The following VWC2L variants were observed in gnomAD, a reference collection of about 807,000 sequenced individuals.
VWC2L encodes von Willebrand factor C domain containing 2 like.
A neutral mutation model predicts 21.6 loss-of-function variants in VWC2L; 10 were observed. That is an observed-to-expected ratio of 0.46 (90% CI 0.29 to 0.78). VWC2L has a LOEUF of 0.78. VWC2L is among the 30% of genes least tolerant of loss of function. The pLI is 0.10. For missense variants in VWC2L, 209 were observed against 277.1 expected (o/e 0.75, Z 1.74); for synonymous variants, 96 against 94.3 (o/e 1.02, Z -0.10).
intron 3 of VWC2L, among the ~76,000 whole-genome samples, chr2:214,507,306 T>C (rs901118094): frequency 2.0e-5 from 3 of 152,212 alleles, no homozygotes; most frequent in Non-Finnish European, 4.4e-5. Context: ...TAATTTCTAA[T>C]TGAACTTTAT....
chr2:214,480,864 CAAAAAAAAA>C lies in VWC2L; in HGVS notation c.520+44122_520+44130del, dbSNP rs59720596. Among the ~76,000 whole-genome samples, 480 of 71,788 alleles carry C rather than the reference CAAAAAAAAA, an allele frequency of 6.7e-3. 6 individuals are homozygous for C. The highest frequency in any genetic ancestry group is 0.024 in the African/African-American group (440 of 18,456). 47.1% of individuals were successfully genotyped at this position (71,788 alleles called of 152,430 possible). A position where few individuals can be genotyped will look rare whatever the true frequency, so the allele number is the denominator to read the frequency against. On this transcript the variant is annotated intron_variant, in intron 3 of 3. Coordinates refer to ENST00000312504, the MANE Select transcript of VWC2L (RefSeq NM_001080500.4). ...TTATTCAGAGGTCCATATGCCAAGC[CAAAAAAAAA>C]AAAAAAAAAAAAAAAGGTAGATGTA... is the stretch of plus-strand genomic sequence containing the variant.
At position 214,414,275 on chromosome 2, in the gene VWC2L, G is replaced by C; in HGVS notation, c.82G>C (p.Asp28His). ...LVTSAAISHE[D>H]YPADEGDQIS... Reference sequence around the variant, plus strand: ...CACCTCTGCTGCTATCAGTCATGAAGACTATCCTGCTGATGAAGGTGACCA... The same window carrying C: ...CACCTCTGCTGCTATCAGTCATGAACACTATCCTGCTGATGAAGGTGACCA... The change falls in exon 2 of 4, where the codon GAC becomes CAC. Residue 28 changes from aspartate to histidine, a missense_variant. Transcript: ENST00000312504. 6.2e-7 allele frequency: 1 copy of C among 1,613,824 alleles called. No individual in the cohort carries two copies. Among genetic ancestry groups the C allele is most frequent in the Non-Finnish European group, 8.5e-7 (1 of 1,179,814 alleles).
At chr2:214,461,695 G>A (rs1034506444) in intron 3 of VWC2L, among the ~76,000 whole-genome samples, 43 of 152,182 alleles carry the variant, frequency 2.8e-4, no homozygotes, top group Non-Finnish European at 1.3e-4. Context: ...CTGTCCTCAA[G>A]CTCCCTAGTG....
intron 2 of VWC2L, among the ~76,000 whole-genome samples, chr2:214,431,731 G>A (rs1489697390): frequency 6.6e-6 from 1 of 152,146 alleles, no homozygotes; most frequent in Non-Finnish European, 1.5e-5. Flanking sequence ...ATACTAAATT[G>A]TTGTGCTTAA....
intron 3 of VWC2L, among the ~76,000 whole-genome samples, chr2:214,480,149 A>T (rs1036696799): frequency 6.6e-6 from 1 of 152,222 alleles, no homozygotes; most frequent in Non-Finnish European, 1.5e-5. Flanking sequence ...GCACTTGAGC[A>T]TCTGCAGATT....
chr2:214,415,219 C>A (rs1036509514), intron 2 of VWC2L: 2 of 152,022 alleles, frequency 1.3e-5, no homozygotes, highest in Non-Finnish European at 2.9e-5. Context: ...TTCAGCCTAC[C>A]TGGTATTTTT....
intron 3 of VWC2L, among the ~76,000 whole-genome samples, chr2:214,462,150 T>G (rs1242699435): frequency 6.6e-6 from 1 of 152,182 alleles, no homozygotes; most frequent in African/African-American, 2.4e-5. Context: ...CTGCAGCTGC[T>G]TGGGTTTTGG....
intron 3 of VWC2L, among the ~76,000 whole-genome samples, chr2:214,456,461 G>T (rs1374864151): frequency 6.6e-6 from 1 of 151,798 alleles, no homozygotes; most frequent in Non-Finnish European, 1.5e-5. Context: ...TGTATATTCC[G>T]GACATTACGC....
chr2:214,414,446 T>A lies in VWC2L; in HGVS notation c.253T>A (p.Cys85Ser). 6.2e-7 allele frequency: 1 copy of A among 1,613,560 alleles called. No individual in the cohort carries two copies. Among genetic ancestry groups the A allele is most frequent in the Non-Finnish European group, 8.5e-7 (1 of 1,179,688 alleles). ...PCVCALDGPV[C>S]DQPECPKIHP... is the part of the protein sequence containing the mutation. The stretch of plus-strand genomic sequence containing the variant: ...TGTCTGTGCTCTAGATGGACCTGTT[T>A]GCGACCAACCAGAATGCCCTAAAAT... Residue 85 changes from cysteine to serine, a missense_variant, in exon 2 of 4, where the codon TGC becomes AGC. Cys to Ser is a moderately radical substitution (Grantham distance 112). Coordinates refer to ENST00000312504, the MANE Select transcript of VWC2L (RefSeq NM_001080500.4).
chr2:214,512,637 T>C (rs573724604), intron 3 of VWC2L, among the ~76,000 whole-genome samples: 8 of 152,232 alleles, frequency 5.3e-5, no homozygotes, highest in African/African-American at 1.7e-4. Context: ...TGATGAACAG[T>C]AGGATTTATG....
intron 3 of VWC2L, among the ~76,000 whole-genome samples, chr2:214,469,150 T>C (rs191303789): frequency 4.6e-5 from 7 of 152,188 alleles, no homozygotes; most frequent in African/African-American, 1.4e-4. Flanking sequence ...ATATACAAAA[T>C]GCAATAAAGA....
chr2:214,477,816 A>C (rs1203761246), intron 3 of VWC2L, among the ~76,000 whole-genome samples: 1 of 152,250 alleles, frequency 6.6e-6, no homozygotes, highest in Non-Finnish European at 1.5e-5. Flanking sequence ...TGCTATTACA[A>C]TATTAAGAGA....
chr2:214,436,775 T>G lies in VWC2L; in HGVS notation c.520+17T>G. ...GCAAAAATGGTAAGACCACACTGCA[T>G]TAGCTTTTGAAGAGGGGTTCGCACA... On this transcript the variant is annotated intron_variant, in intron 3 of 3. Coordinates refer to ENST00000312504, the MANE Select transcript of VWC2L (RefSeq NM_001080500.4). The G allele has an allele frequency of 6.2e-7, 1 of 1,612,468 alleles. No homozygotes were observed. Among genetic ancestry groups the G allele is most frequent in the African/African-American group, 1.3e-5 (1 of 74,954 alleles).
At chr2:214,506,608 T>C (rs1688971343) in intron 3 of VWC2L, among the ~76,000 whole-genome samples, 1 of 152,166 alleles carries the variant, frequency 6.6e-6, no homozygotes, top group African/African-American at 2.4e-5. Flanking sequence ...AATTTACTTC[T>C]CAATAATTAC....
At chr2:214,561,010 C>T (rs541367518) in intron 3 of VWC2L, among the ~76,000 whole-genome samples, 134 of 152,354 alleles carry the variant, frequency 8.8e-4, no homozygotes, top group African/African-American at 2.9e-3. Context: ...TCTTCCAAAA[C>T]TCAGACTATG....
intron 3 of VWC2L, among the ~76,000 whole-genome samples, chr2:214,459,013 T>C (rs1023057736): frequency 5.9e-5 from 9 of 152,148 alleles, no homozygotes; most frequent in Non-Finnish European, 4.4e-5. Flanking sequence ...TGAGAGTGGT[T>C]TGAAGTCCCT....
intron 3 of VWC2L, among the ~76,000 whole-genome samples, chr2:214,570,411 T>A (rs529512907): frequency 3.9e-5 from 6 of 152,366 alleles, no homozygotes; most frequent in African/African-American, 1.4e-4. Context: ...TCACCCAAGC[T>A]GGAATGCCAT....
At chr2:214,542,136 GATT>G (rs1191010753) in intron 3 of VWC2L, among the ~76,000 whole-genome samples, 6 of 152,146 alleles carry the variant, frequency 3.9e-5, no homozygotes, top group Non-Finnish European at 5.9e-5. Context: ...CTCACCACTA[GATT>G]ATTAACACAG....
At chr2:214,412,865 C>T (rs754124914) in intron 1 of VWC2L, among the ~76,000 whole-genome samples, 13 of 151,974 alleles carry the variant, frequency 8.6e-5, no homozygotes, top group Non-Finnish European at 1.6e-4. Flanking sequence ...TGAAAATGTC[C>T]TGTATACCAT....
Sources: gnomAD v4.1 joint callset for allele counts (sites outside exome capture counted in the v4.1 genomes callset) on GRCh38, gnomAD v4.1.1 for gene constraint, MANE v1.5 for transcripts, NCBI Gene and HGNC (gene_info 2026-07-23, HGNC 2026-07-21) for gene names.